ANKRD11: variants seen among roughly 807,000 people sequenced by gnomAD.
The protein encoded by ANKRD11 is ankyrin repeat domain-containing protein 11.
Under a neutral mutation model 195.7 loss-of-function variants are expected in ANKRD11, and 17 were observed. That is an observed-to-expected ratio of 0.09 (90% CI 0.06 to 0.13). The LOEUF (loss-of-function observed/expected upper bound fraction) is 0.13, where lower values mean the gene tolerates loss of function less well. ANKRD11 is among the 10% of genes least tolerant of loss of function. The pLI is 1.00. For missense variants in ANKRD11, 3,735 were observed against 3,566.1 expected (o/e 1.05, Z -1.21); for synonymous variants, 1,953 against 1,528.1 (o/e 1.28, Z -6.49).
intron 1 of ANKRD11, among the ~76,000 whole-genome samples, chr16:89,440,915 G>A (rs2043425665): frequency 6.6e-6 from 1 of 151,968 alleles, no homozygotes; most frequent in Non-Finnish European, 1.5e-5. Context: ...AAAACGGAAA[G>A]AGAGAGCGCA....
At chr16:89,489,046 A>C (rs887294564) in intron 1 of ANKRD11, 1 of 152,202 alleles carries the variant, frequency 6.6e-6, no homozygotes, top group African/African-American at 2.4e-5. Flanking sequence ...ACCTTCCAAA[A>C]ACACAACAGA....
rs564784148 is a variant in ANKRD11 at position 89,299,937 on chromosome 16, T to C, written c.226+5269A>G. ...TGTGGGGTGCCTGCCCTGTGTGTGG[T>C]GCATGGGGTCTGTGCCCTGTGTGAG... On this transcript the variant is annotated intron_variant, in intron 4 of 12. Transcript: ENST00000301030. The C allele has an allele frequency of 1.2e-3, 239 of 203,168 alleles. 2 individuals carry two copies. The highest frequency in any genetic ancestry group is 7.6e-3 in the African/African-American group (232 of 30,596). The allele number at this position is 203,168 out of a possible 1,614,324, so 12.6% of individuals were successfully genotyped here. A position where few individuals can be genotyped will look rare whatever the true frequency, so the allele number is the denominator to read the frequency against.
At chr16:89,457,416 G>C (rs1247699158) in intron 1 of ANKRD11, among the ~76,000 whole-genome samples, 1 of 151,130 alleles carries the variant, frequency 6.6e-6, no homozygotes, top group Non-Finnish European at 1.5e-5. Context: ...AGTCAATATG[G>C]TAAAACCCTG....
In ANKRD11 at chr16:89,279,671, C is replaced by T. The variant is rs1064797012; in HGVS notation, c.6871G>A (p.Glu2291Lys). ...QAQAADGAGP[E>K]DDTEASRAAA... ...GCACGGGAGGCCTCAGTGTCGTCCT[C>T]GGGGCCGGCACCGTCTGCGGCCTGA... The change falls in exon 9 of 13, where the codon GAG becomes AAG. Residue 2291 changes from glutamate to lysine, a missense_variant. Physicochemically the swap from Glu to Lys is moderately conservative, Grantham distance 56. Coordinates refer to ENST00000301030, the MANE Select transcript of ANKRD11 (RefSeq NM_013275.6). The surrounding 1 kb of genome is among the most constrained non-coding windows in gnomAD (Gnocchi z 5.6). The T allele has an allele frequency of 6.8e-7, 1 of 1,463,184 alleles. No individual in the cohort carries two copies. Among genetic ancestry groups the T allele is most frequent in the South Asian group, 1.4e-5 (1 of 72,314 alleles). 90.6% of individuals were successfully genotyped at this position (1,463,184 alleles called of 1,614,324 possible). A position where few individuals can be genotyped will look rare whatever the true frequency, so the allele number is the denominator to read the frequency against.
At chr16:89,360,100 C>T (rs1335297077) in intron 2 of ANKRD11, among the ~76,000 whole-genome samples, 1 of 152,130 alleles carries the variant, frequency 6.6e-6, no homozygotes, top group Non-Finnish European at 1.5e-5. Context: ...TGTTTCCTTC[C>T]CTGTGTTTTT....
intron 7 of ANKRD11, chr16:89,287,787 A>G (rs1364583182): frequency 4.2e-5 from 8 of 192,444 alleles, no homozygotes; most frequent in Non-Finnish European, 7.4e-5. Context: ...TGAGCTCTTT[A>G]AGGCCAAGGC....
intron 2 of ANKRD11, among the ~76,000 whole-genome samples, chr16:89,333,047 A>G (rs3114891): frequency 0.38 from 58,370 of 152,028 alleles, 13,350 homozygotes; most frequent in Non-Finnish European, 0.53. Context: ...GGGAACCCCC[A>G]GGGAAGAAGG....
Position 89,461,193 on chromosome 16 carries a change from C to T in ANKRD11, c.-145+29052G>A, listed in dbSNP as rs954886200. ...AAATATCGTATGACCCCCCCCCCCCCCTTATAGGAGAGGTGCCTTGAGTGG... is the reference window on the plus strand; with the variant it reads ...AAATATCGTATGACCCCCCCCCCCCTCTTATAGGAGAGGTGCCTTGAGTGG... On this transcript the variant is annotated intron_variant, in intron 1 of 12. Transcript: ENST00000301030. Among the ~76,000 whole-genome samples the T allele has an allele frequency of 4.5e-5, 5 of 111,582 alleles. 1 individual carries two copies. Among genetic ancestry groups the T allele is most frequent in the East Asian group, 6.6e-4 (2 of 3,048 alleles). The allele number at this position is 111,582 out of a possible 152,430, so 73.2% of individuals were successfully genotyped here.
chr16:89,314,759 T>C (rs538199806), intron 3 of ANKRD11, among the ~76,000 whole-genome samples: 2 of 152,226 alleles, frequency 1.3e-5, no homozygotes, highest in East Asian at 3.9e-4. Context: ...AGGTGCCACC[T>C]CGCCATCAAT....
chr16:89,436,857 C>T (rs1268216426), intron 1 of ANKRD11, among the ~76,000 whole-genome samples: 1 of 152,204 alleles, frequency 6.6e-6, no homozygotes, highest in African/African-American at 2.4e-5. Context: ...ATTGCCGAAG[C>T]TTTGTGTTTT....
intron 6 of ANKRD11, among the ~76,000 whole-genome samples, chr16:89,289,934 T>G (rs2034914182): frequency 6.6e-6 from 1 of 152,108 alleles, no homozygotes; most frequent in South Asian, 2.1e-4. Flanking sequence ...GAAGGCTGAG[T>G]TGGGAACATC....
intron 1 of ANKRD11, among the ~76,000 whole-genome samples, chr16:89,481,953 A>C (rs1217147347): frequency 6.6e-6 from 1 of 151,844 alleles, no homozygotes. Flanking sequence ...CTTCCCTTAA[A>C]TCTCCCAGGT....
chr16:89,407,764 C>T (rs1056908076), intron 2 of ANKRD11, among the ~76,000 whole-genome samples: 2 of 149,944 alleles, frequency 1.3e-5, no homozygotes, highest in Non-Finnish European at 3.0e-5. Context: ...GCAGGAGGAT[C>T]GCTTGAGCCC....
In ANKRD11 at chr16:89,280,848, C is replaced by T. The variant is rs771476134; in HGVS notation, c.5694G>A (p.Leu1898=). 3 of 1,602,838 alleles carry T rather than the reference C, an allele frequency of 1.9e-6. No individual in the cohort carries two copies. The highest frequency in any genetic ancestry group is 2.6e-6 in the Non-Finnish European group (3 of 1,171,466). ...GGGCCCCTTCGAGGGAAGGAACCAG[C>T]AGCTCGGCTCTGGGGGAAGGGGAAG... ...AKPSPSPRAE[L]LVPSLEGALP... is the part of the protein sequence containing the mutation. The change falls in exon 9 of 13, where the codon CTG becomes CTA. Residue 1898 remains leucine (L), a synonymous_variant. Coordinates refer to ENST00000301030, the MANE Select transcript of ANKRD11 (RefSeq NM_013275.6).
chr16:89,329,475 T>C (rs866599441), intron 2 of ANKRD11, among the ~76,000 whole-genome samples: 4 of 152,224 alleles, frequency 2.6e-5, no homozygotes, highest in African/African-American at 7.2e-5. Flanking sequence ...TTTTAGGTGA[T>C]GGTGTTTCCC....
chr16:89,315,306 C>CGAGATGAGG (rs1567631057), intron 3 of ANKRD11, among the ~76,000 whole-genome samples: 1 of 152,208 alleles, frequency 6.6e-6, no homozygotes, highest in Non-Finnish European at 1.5e-5. Flanking sequence ...CCCAACCCCA[C>CGAGATGAGG]GAGATGAGGA....
At chr16:89,314,162 AG>A (rs1347396548) in intron 3 of ANKRD11, among the ~76,000 whole-genome samples, 1 of 151,418 alleles carries the variant, frequency 6.6e-6, no homozygotes, top group Non-Finnish European at 1.5e-5. Context: ...GCAGTGGGGC[AG>A]GGTGGGGGGT....
chr16:89,285,677 C>T lies in ANKRD11; in HGVS notation c.893-28G>A. 1.2e-6 allele frequency: 2 copies of T among 1,611,276 alleles called. No homozygotes were observed. Among genetic ancestry groups the T allele is most frequent in the Non-Finnish European group, 8.5e-7 (1 of 1,177,418 alleles). On this transcript the variant is annotated intron_variant, in intron 8 of 12. Coordinates refer to ENST00000301030, the MANE Select transcript of ANKRD11 (RefSeq NM_013275.6). The surrounding 1 kb of genome is among the most constrained non-coding windows in gnomAD (Gnocchi z 5.6). ...GTTGGAGGTAGGAAGCGAGAGGTCA[C>T]AGGCAGGCTCAAAACAGCTCTCCCC... is the stretch of plus-strand genomic sequence containing the variant.
chr16:89,313,583 G>GA, intron 3 of ANKRD11: 2 of 1,289,084 alleles, frequency 1.6e-6, no homozygotes, highest in Non-Finnish European at 2.0e-6. Context: ...GATTCTTTTG[G>GA]AAAAATCTAA....
Sources: gnomAD v4.1 joint callset for allele counts (sites outside exome capture counted in the v4.1 genomes callset) on GRCh38, gnomAD v4.1.1 for gene constraint, Gnocchi (gnomAD v3.1) non-coding constraint, MANE v1.5 for transcripts, NCBI Gene and HGNC (gene_info 2026-07-23, HGNC 2026-07-21) for gene names.